Variants in TERF1 observed in about 807,000 individuals in gnomAD.
TERF1 encodes telomeric repeat-binding factor 1.
A neutral mutation model predicts 55.1 loss-of-function variants in TERF1; 20 were observed. The observed-to-expected ratio is 0.36, with a 90% confidence interval of 0.26 to 0.53. The LOEUF (loss-of-function observed/expected upper bound fraction) is 0.53, where lower values mean the gene tolerates loss of function less well. Ranked by LOEUF, TERF1 falls within the 20% of genes least tolerant of loss-of-function variation. The pLI is 0.91. For missense variants in TERF1, 439 were observed against 535.7 expected, an observed-to-expected ratio of 0.82 and a Z score of 1.78; for synonymous variants, 168 against 181.2, an observed-to-expected ratio of 0.93 and a Z score of 0.59.
At position 73,025,554 on chromosome 8, in the gene TERF1, G is replaced by A. The variant is rs867527987; in HGVS notation, c.774+583G>A. On this transcript the variant is annotated intron_variant, in intron 5 of 9. Coordinates refer to ENST00000276603, the MANE Select transcript of TERF1 (RefSeq NM_017489.3). ...AATCACACGGTCAGGCGGATCACAC[G>A]GTCAGGTGGCTAACATGGTGAAACC... is the stretch of plus-strand genomic sequence containing the variant. Among the ~76,000 whole-genome samples, 9 of 151,420 alleles carry A rather than the reference G, an allele frequency of 5.9e-5. No individual in the cohort carries two copies. In the South Asian group the frequency reaches 8.3e-4, roughly 14 times the overall value.
Position 73,009,051 on chromosome 8 carries a change from G to A in TERF1, c.165G>A (p.Glu55=), listed in dbSNP as rs763699674. 1.5e-5 allele frequency: 19 copies of A among 1,296,236 alleles called. No homozygotes were observed. The East Asian group carries it at 6.2e-4, about 42-fold the overall frequency. 80.3% of individuals were successfully genotyped at this position (1,296,236 alleles called of 1,614,324 possible). A position where few individuals can be genotyped will look rare whatever the true frequency, so the allele number is the denominator to read the frequency against. ...LECQVQVGAP[E]EEEEEEEDAG... ...GCCAGGTGCAGGTGGGGGCCCCCGAGGAGGAGGAGGAGGAGGAGGAGGACG... is the reference window on the plus strand; with the variant it reads ...GCCAGGTGCAGGTGGGGGCCCCCGAAGAGGAGGAGGAGGAGGAGGAGGACG... Residue 55 remains glutamate, a synonymous_variant, in exon 1 of 10, where the codon GAG becomes GAA. Coordinates refer to ENST00000276603, the MANE Select transcript of TERF1 (RefSeq NM_017489.3).
intron 8 of TERF1, among the ~76,000 whole-genome samples, chr8:73,037,670 ATAT>A (rs1167978139): frequency 4.0e-5 from 3 of 74,596 alleles, no homozygotes; most frequent in African/African-American, 1.8e-4. Flanking sequence ...TAATAATATT[ATAT>A]TATATATAAT....
At position 73,047,814 on chromosome 8, in the gene TERF1, A is replaced by G. The variant is rs1810104195; in HGVS notation, c.*1677A>G. 6.6e-6 allele frequency: 1 copy of G among 152,170 alleles called. No homozygotes were observed. Among genetic ancestry groups the G allele is most frequent in the Admixed American group, 6.5e-5 (1 of 15,272 alleles). 9.4% of individuals were successfully genotyped at this position (152,170 alleles called of 1,614,324 possible). A position where few individuals can be genotyped will look rare whatever the true frequency, so the allele number is the denominator to read the frequency against. ...TGCACTATTTATTGGAGATATTTTGATGATTAGTGCCAAGGCTGGCATCAT... is the reference window on the plus strand; with the variant it reads ...TGCACTATTTATTGGAGATATTTTGGTGATTAGTGCCAAGGCTGGCATCAT... On this transcript the variant is annotated 3_prime_UTR_variant, in exon 10 of 10. Transcript: ENST00000276603.
intron 8 of TERF1, among the ~76,000 whole-genome samples, chr8:73,037,971 G>A (rs527808521): frequency 1.5e-4 from 20 of 134,306 alleles, no homozygotes; most frequent in East Asian, 1.5e-3. Flanking sequence ...TTTTCCCCCC[G>A]AATATTTTAT....
intron 9 of TERF1, among the ~76,000 whole-genome samples, chr8:73,041,149 A>G (rs1264963539): frequency 6.6e-6 from 1 of 152,080 alleles, no homozygotes. Context: ...GCTTTTTAGC[A>G]TGTTTATAAT....
chr8:73,034,017 C>T (rs1161712434), intron 8 of TERF1, among the ~76,000 whole-genome samples: 1 of 152,194 alleles, frequency 6.6e-6, no homozygotes, highest in Non-Finnish European at 1.5e-5. Context: ...GTGGTGAGAT[C>T]TTGGCTCACT....
intron 1 of TERF1, chr8:73,012,465 C>G (rs2929587): frequency 0.55 from 83,233 of 152,646 alleles, 25,061 homozygotes; most frequent in Middle Eastern, 0.74. Context: ...GTCAGGAGAT[C>G]GAGACCATCC....
intron 8 of TERF1, chr8:73,038,672 A>G (rs1809705734): frequency 1.6e-6 from 1 of 644,526 alleles, no homozygotes; most frequent in South Asian, 7.0e-5. Flanking sequence ...AACAATTATC[A>G]TTTTTCAGTA....
rs761374911 is a variant in TERF1, at chr8:73,009,167, G to A, written c.281G>A (p.Arg94His). Reference sequence around the variant, plus strand: ...CTTTGCCGAGCTTTCCGCGACGGCCGCTCCGAGGACTTCCGCAGGACCCGC... The same window carrying A: ...CTTTGCCGAGCTTTCCGCGACGGCCACTCCGAGGACTTCCGCAGGACCCGC... ...LSLCRAFRDG[R>H]SEDFRRTRNS... Residue 94 changes from arginine (R) to histidine (H), a missense_variant, in exon 1 of 10, where the codon CGC becomes CAC. Arg to His is a conservative substitution (Grantham distance 29). Transcript: ENST00000276603. The A allele has an allele frequency of 8.7e-6, 14 of 1,610,860 alleles. No individual in the cohort carries two copies. The Admixed American group carries it at 2.2e-4, about 25-fold the overall frequency.
At chr8:73,025,258 A>C (rs917790259) in intron 5 of TERF1, among the ~76,000 whole-genome samples, 2 of 152,246 alleles carry the variant, frequency 1.3e-5, no homozygotes, top group African/African-American at 2.4e-5. Flanking sequence ...CAAATATTTT[A>C]ATTTAAGTAA....
intron 9 of TERF1, among the ~76,000 whole-genome samples, chr8:73,044,766 C>G (rs1266547146): frequency 6.6e-6 from 1 of 152,000 alleles, no homozygotes; most frequent in Non-Finnish European, 1.5e-5. Context: ...TTGGACTATT[C>G]TAGGCACCTC....
rs571219353 is a variant in TERF1 at position 73,008,935 on chromosome 8, G to C, written c.49G>C (p.Asp17His). 2 of 1,612,760 alleles carry C rather than the reference G, an allele frequency of 1.2e-6. 1 individual carries two copies. Among genetic ancestry groups the C allele is most frequent in the South Asian group, 2.2e-5 (2 of 90,778 alleles). ...SAAPSPRGCA[D>H]GRDADPTEEQ... Reference sequence around the variant, plus strand: ...GGCCCCGAGCCCGCGGGGCTGTGCGGATGGTAGGGATGCCGACCCTACTGA... The same window carrying C: ...GGCCCCGAGCCCGCGGGGCTGTGCGCATGGTAGGGATGCCGACCCTACTGA... The change falls in exon 1 of 10, where the codon GAT becomes CAT. Residue 17 changes from aspartate (D) to histidine (H), a missense_variant. By Grantham distance (81) the Asp-to-His change is moderately conservative. Coordinates refer to ENST00000276603, the MANE Select transcript of TERF1 (RefSeq NM_017489.3).
intron 2 of TERF1, among the ~76,000 whole-genome samples, chr8:73,015,201 A>C (rs1471589363): frequency 2.6e-5 from 4 of 152,252 alleles, no homozygotes; most frequent in African/African-American, 9.6e-5. Flanking sequence ...TCCTAGATAT[A>C]ATAGGCCAGG....
chr8:73,045,467 A>G (rs1586075171), intron 9 of TERF1, among the ~76,000 whole-genome samples: 1 of 152,336 alleles, frequency 6.6e-6, no homozygotes, highest in Non-Finnish European at 1.5e-5. Flanking sequence ...AATGTTTTTA[A>G]TTAGTTTATG....
chr8:73,038,135 A>G (rs1322233347), intron 8 of TERF1, among the ~76,000 whole-genome samples: 1 of 151,418 alleles, frequency 6.6e-6, no homozygotes, highest in Non-Finnish European at 1.5e-5. Flanking sequence ...TACTACATAC[A>G]AATGTATCAC....
At chr8:73,034,296 AG>A (rs2129857835) in intron 8 of TERF1, among the ~76,000 whole-genome samples, 1 of 150,524 alleles carries the variant, frequency 6.6e-6, no homozygotes, top group South Asian at 2.1e-4. Context: ...CACACCCGGC[AG>A]ATTTTTGTAT....
intron 8 of TERF1, among the ~76,000 whole-genome samples, chr8:73,037,673 T>TA (rs1809609407): frequency 2.7e-5 from 2 of 74,768 alleles, no homozygotes; most frequent in Non-Finnish European, 4.7e-5. Flanking sequence ...TAATATTATA[T>TA]TATATATAAT....
chr8:73,017,756 A>G (rs1808575119), intron 2 of TERF1, among the ~76,000 whole-genome samples: 1 of 148,524 alleles, frequency 6.7e-6, no homozygotes, highest in Non-Finnish European at 1.5e-5. Context: ...AGGCTGGAGT[A>G]CAGTGACGCC....
At chr8:73,009,239 CG>C in intron 1 of TERF1, 34 bp downstream of exon 1, 2 of 1,580,622 alleles carry the variant, frequency 1.3e-6, no homozygotes, top group East Asian at 2.3e-5. Flanking sequence ...CGGGACTACG[CG>C]GGGGGCGGAT....
Sources: gnomAD v4.1 joint callset for allele counts (sites outside exome capture counted in the v4.1 genomes callset) on GRCh38, gnomAD v4.1.1 for gene constraint, MANE v1.5 for transcripts, NCBI Gene and HGNC (gene_info 2026-07-23, HGNC 2026-07-21) for gene names.